Variants in WARS1 observed in about 807,000 individuals in gnomAD.
WARS1 encodes the protein tryptophan--tRNA ligase, cytoplasmic.
WARS1 carries 17 observed loss-of-function variants against 47.8 expected under a neutral mutation model. That is an observed-to-expected ratio of 0.36 (90% CI 0.24 to 0.53). WARS1 has a LOEUF of 0.53. Ranked by LOEUF, WARS1 falls within the 20% of genes least tolerant of loss-of-function variation. The probability of loss-of-function intolerance (pLI) is 0.91; values close to 1 mark genes in which losing one functional copy is unlikely to be tolerated. For synonymous variants in WARS1, 208 were observed against 228.1 expected (o/e 0.91, Z 0.79); for missense variants, 434 against 608.0 (o/e 0.71, Z 3.01).
At chr14:100,345,643 C>T (rs996626262) in intron 7 of WARS1, among the ~76,000 whole-genome samples, 2 of 141,862 alleles carry the variant, frequency 1.4e-5, no homozygotes, top group African/African-American at 5.1e-5. Context: ...GCGAGAAACA[C>T]CCAAGAATGA....
intron 1 of WARS1, chr14:100,374,004 T>C (rs1205645735): frequency 6.6e-6 from 1 of 152,242 alleles, no homozygotes; most frequent in African/African-American, 2.4e-5. Context: ...CTTTATTTCT[T>C]TGTTGACTTT....
Position 100,334,845 on chromosome 14 carries a change from C to T in WARS1, c.*30G>A. The T allele has an allele frequency of 6.2e-7, 1 of 1,609,266 alleles. No individual in the cohort carries two copies. Among genetic ancestry groups the T allele is most frequent in the Non-Finnish European group, 8.5e-7 (1 of 1,176,628 alleles). On this transcript the variant is annotated 3_prime_UTR_variant, in exon 11 of 11. Coordinates refer to ENST00000392882, the MANE Select transcript of WARS1 (RefSeq NM_004184.4). ...TTATTGATACATTACTGATACATCA[C>T]TTCTTTTATAAGCATATGTAAAACG...
chr14:100,366,665 A>G, intron 2 of WARS1: 1 of 776,048 alleles, frequency 1.3e-6, no homozygotes, highest in Non-Finnish European at 2.4e-6. Context: ...ACATCGTAAA[A>G]TGGAACTTCT....
At chr14:100,344,936 G>C (rs1316673357) in intron 7 of WARS1, among the ~76,000 whole-genome samples, 1 of 150,738 alleles carries the variant, frequency 6.6e-6, no homozygotes, top group Non-Finnish European at 1.5e-5. Flanking sequence ...CAGCCACCCC[G>C]TCCTGGAGGG....
At chr14:100,336,047 G>A (rs185496372) in intron 10 of WARS1, among the ~76,000 whole-genome samples, 62 of 151,906 alleles carry the variant, frequency 4.1e-4, no homozygotes, top group African/African-American at 1.5e-3. Context: ...AGGCCAAGGC[G>A]GGTGGATCAC....
At chr14:100,336,698 T>A (rs1440932644) in intron 10 of WARS1, 2 of 175,216 alleles carry the variant, frequency 1.1e-5, no homozygotes, top group Admixed American at 1.2e-4. Context: ...GAGTGTGCCT[T>A]GAAGCATCTG....
Position 100,334,662 on chromosome 14 carries a change from G to A in WARS1, c.*213C>T, listed in dbSNP as rs117236002. On this transcript the variant is annotated 3_prime_UTR_variant, in exon 11 of 11. Coordinates refer to ENST00000392882, the MANE Select transcript of WARS1 (RefSeq NM_004184.4). ...CTATCCGACCATGCAATGTTAGCCAGCACCAATTACCCACAATGCTTTGCC... is the reference window on the plus strand; with the variant it reads ...CTATCCGACCATGCAATGTTAGCCAACACCAATTACCCACAATGCTTTGCC... 2.4e-4 allele frequency: 121 copies of A among 500,920 alleles called. 1 individual carries two copies. In the East Asian group the frequency reaches 4.6e-3, roughly 19 times the overall value. 31.0% of individuals were successfully genotyped at this position (500,920 alleles called of 1,614,324 possible).
In WARS1 at chr14:100,337,161, C is replaced by A. The variant is rs149689884; in HGVS notation, c.1155G>T (p.Glu385Asp). 1.7e-5 allele frequency: 27 copies of A among 1,614,046 alleles called. No homozygotes were observed. The African/African-American group carries it at 3.3e-4, about 20-fold the overall frequency. ...HAFSGGRDTIEEHRQFGGNCD... is the reference protein window; with the variant it reads ...HAFSGGRDTIDEHRQFGGNCD... ...AGTTGCCCCCAAACTGCCTGTGCTC[C>A]TCGATGGTGTCTCTCCCTCCAGAAA... Residue 385 changes from glutamate (E) to aspartate (D), a missense_variant, in exon 10 of 11, where the codon GAG (glutamate) becomes GAT (aspartate). Glu to Asp is a conservative substitution (Grantham distance 45). Transcript: ENST00000392882.
rs899398951 is a variant in WARS1 at position 100,375,299 on chromosome 14, A to T, written c.-90T>A. 3 of 152,288 alleles carry T rather than the reference A, an allele frequency of 2.0e-5. No individual in the cohort carries two copies. Among genetic ancestry groups the T allele is most frequent in the Non-Finnish European group, 4.4e-5 (3 of 68,058 alleles). 9.4% of individuals were successfully genotyped at this position (152,288 alleles called of 1,614,324 possible). ...AATACATACCCAGGTTGTGGAAGACACTGCAGAGGTGGCCACTGGTCACGC... is the reference window on the plus strand; with the variant it reads ...AATACATACCCAGGTTGTGGAAGACTCTGCAGAGGTGGCCACTGGTCACGC... On this transcript the variant is annotated 5_prime_UTR_variant, in exon 1 of 11. Coordinates refer to ENST00000392882, the MANE Select transcript of WARS1 (RefSeq NM_004184.4).
intron 9 of WARS1, 188 bp downstream of exon 9, chr14:100,342,210 A>T: frequency 1.4e-6 from 1 of 738,660 alleles, no homozygotes; most frequent in African/African-American, 1.7e-5. Context: ...AATTCACCTG[A>T]TTCATGTGGG....
At chr14:100,372,352 T>C (rs978761498) in intron 1 of WARS1, among the ~76,000 whole-genome samples, 6 of 152,274 alleles carry the variant, frequency 3.9e-5, no homozygotes, top group Middle Eastern at 3.4e-3. Context: ...GAAAAAAAAG[T>C]ATGTAAATCA....
intron 1 of WARS1, among the ~76,000 whole-genome samples, chr14:100,370,092 G>A (rs1896253764): frequency 6.6e-6 from 1 of 152,184 alleles, no homozygotes; most frequent in African/African-American, 2.4e-5. Flanking sequence ...GAGCTCTGGG[G>A]TGGAGGACAG....
chr14:100,335,013 G>A lies in WARS1; in HGVS notation c.1278C>T (p.Leu426=). 6.2e-7 allele frequency: 1 copy of A among 1,614,072 alleles called. No homozygotes were observed. Among genetic ancestry groups the A allele is most frequent in the Non-Finnish European group, 8.5e-7 (1 of 1,179,988 alleles). ...IRKDYTSGAM[L]TGELKKALIE... Reference sequence around the variant, plus strand: ...TGAGTGCCTTCTTGAGCTCACCGGTGAGCATGGCTCCGCTGGTGTAATCCT... The same window carrying A: ...TGAGTGCCTTCTTGAGCTCACCGGTAAGCATGGCTCCGCTGGTGTAATCCT... Residue 426 remains leucine, a synonymous_variant, in exon 11 of 11, where the codon CTC becomes CTT. Coordinates refer to ENST00000392882, the MANE Select transcript of WARS1 (RefSeq NM_004184.4).
At chr14:100,351,439 G>A (rs1043491042) in intron 6 of WARS1, among the ~76,000 whole-genome samples, 3 of 149,840 alleles carry the variant, frequency 2.0e-5, no homozygotes, top group Non-Finnish European at 4.4e-5. Context: ...GATCACTTGA[G>A]GTCAGGAGTT....
chr14:100,372,558 C>G (rs1896414303), intron 1 of WARS1, among the ~76,000 whole-genome samples: 1 of 152,150 alleles, frequency 6.6e-6, no homozygotes, highest in African/African-American at 2.4e-5. Flanking sequence ...AGAGAACTCT[C>G]AGGCTCTCCC....
intron 5 of WARS1, 55 bp downstream of exon 5, chr14:100,354,392 G>A (rs763263516): frequency 9.5e-6 from 15 of 1,584,124 alleles, no homozygotes; most frequent in Non-Finnish European, 1.3e-5. Flanking sequence ...TGGTTTATAA[G>A]CAACATTCTC....
At chr14:100,350,856 G>A (rs1894934027) in intron 6 of WARS1, among the ~76,000 whole-genome samples, 1 of 152,196 alleles carries the variant, frequency 6.6e-6, no homozygotes, top group Non-Finnish European at 1.5e-5. Flanking sequence ...TTTGGCTGTG[G>A]GGAGGGAAAG....
chr14:100,367,182 G>C lies in WARS1; in HGVS notation c.99+1905C>G, dbSNP rs1056485697. On this transcript the variant is annotated intron_variant, in intron 2 of 10. Coordinates refer to ENST00000392882, the MANE Select transcript of WARS1 (RefSeq NM_004184.4). ...TAGCAGAAATGGAAAACAATAGGAG[G>C]GTTAGAAAATCAGAGAAACAGTCTC... Among the ~76,000 whole-genome samples the C allele has an allele frequency of 1.7e-4, 26 of 151,888 alleles. 1 individual carries two copies. The highest frequency in any genetic ancestry group is 1.4e-3 in the Admixed American group (21 of 15,232).
At chr14:100,347,870 C>T (rs1364830526) in intron 6 of WARS1, among the ~76,000 whole-genome samples, 2 of 152,200 alleles carry the variant, frequency 1.3e-5, no homozygotes, top group Non-Finnish European at 1.5e-5. Flanking sequence ...AGCCACCGCG[C>T]CCAGCCAAGT....
Sources: gnomAD v4.1 joint callset for allele counts (sites outside exome capture counted in the v4.1 genomes callset) on GRCh38, gnomAD v4.1.1 for gene constraint, MANE v1.5 for transcripts, NCBI Gene and HGNC (gene_info 2026-07-23, HGNC 2026-07-21) for gene names.